PIEZO2: variants seen among roughly 807,000 people sequenced by gnomAD.
PIEZO2 encodes piezo type mechanosensitive ion channel component 2, also known as piezo-type mechanosensitive ion channel component 2.
In PIEZO2, 172 loss-of-function variants were observed where a neutral mutation model predicts 337.3. The observed-to-expected ratio is 0.51, with a 90% confidence interval of 0.45 to 0.58. The LOEUF is 0.58. Ranked by LOEUF, PIEZO2 falls within the 20% of genes least tolerant of loss-of-function variation. The pLI is 0.00. For missense variants in PIEZO2, 3,028 were observed against 3,391.3 expected (o/e 0.89, Z 2.66); for synonymous variants, 1,251 against 1,228.5 (o/e 1.02, Z -0.38).
At chr18:10,674,513 T>G (rs753552680) in intron 54 of PIEZO2, among the ~76,000 whole-genome samples, 2 of 152,252 alleles carry the variant, frequency 1.3e-5, no homozygotes, top group Non-Finnish European at 2.9e-5. Context: ...TCTGTGTGGC[T>G]TTCCAACTCT....
chr18:10,843,975 G>C (rs28634945), intron 7 of PIEZO2, among the ~76,000 whole-genome samples: 335 of 152,324 alleles, frequency 2.2e-3, no homozygotes, highest in African/African-American at 7.8e-3. Flanking sequence ...TGGTAGGAAG[G>C]GAGTCTTCAT....
At position 10,756,880 on chromosome 18, in the gene PIEZO2, G is replaced by A. The variant is rs147073056; in HGVS notation, c.3923+1089C>T. Among the ~76,000 whole-genome samples, 103 of 135,798 alleles carry A rather than the reference G, an allele frequency of 7.6e-4. 1 individual carries two copies. The East Asian group carries it at 0.02, about 26-fold the overall frequency. The allele number at this position is 135,798 out of a possible 152,430, so 89.1% of individuals were successfully genotyped here. A position where few individuals can be genotyped will look rare whatever the true frequency, so the allele number is the denominator to read the frequency against. ...TGAGAATGAGGGATGGAGATGAGGA[G>A]GAAGGATGCAGGATAAAAAGGAGGA... On this transcript the variant is annotated intron_variant, in intron 27 of 55. Coordinates refer to ENST00000674853, the MANE Select transcript of PIEZO2 (RefSeq NM_001378183.1).
At position 10,903,146 on chromosome 18, in the gene PIEZO2, G is replaced by A. The variant is rs545488245; in HGVS notation, c.329+8040C>T. 9.2e-5 allele frequency among the ~76,000 whole-genome samples: 14 copies of A among 152,222 alleles called. No individual in the cohort carries two copies. The highest frequency in any genetic ancestry group is 2.0e-4 in the Admixed American group (3 of 15,282). On this transcript the variant is annotated intron_variant, in intron 4 of 55. Coordinates refer to ENST00000674853, the MANE Select transcript of PIEZO2 (RefSeq NM_001378183.1). The surrounding 1 kb of genome is among the most constrained non-coding windows in gnomAD (Gnocchi z 4.1). ...CAATTATTCACCAAGTTGTAACTTC[G>A]AATTCTACTTACCTAAAATGCGTTT...
intron 7 of PIEZO2, among the ~76,000 whole-genome samples, chr18:10,842,232 A>AC (rs1322454286): frequency 2.0e-5 from 3 of 151,952 alleles, no homozygotes; most frequent in Non-Finnish European, 4.4e-5. Flanking sequence ...GGCATAAAAC[A>AC]CAACTGCTTT....
rs960869179 is a variant in PIEZO2 at position 11,092,505 on chromosome 18, AT to A, written c.65-26284del. Among the ~76,000 whole-genome samples, 1 of 152,248 alleles carries A rather than the reference AT, an allele frequency of 6.6e-6. No individual in the cohort carries two copies. The highest frequency in any genetic ancestry group is 2.4e-5 in the African/African-American group (1 of 41,460). Reference sequence around the variant, plus strand: ...AACGATTTGTATTCCGTGGTTACAGATTTTAGTCTATATTTTCTAGAATTAG... The same window carrying A: ...AACGATTTGTATTCCGTGGTTACAGATTTAGTCTATATTTTCTAGAATTAG... On this transcript the variant is annotated intron_variant, in intron 1 of 55. Coordinates refer to ENST00000674853, the MANE Select transcript of PIEZO2 (RefSeq NM_001378183.1). This position sits in a 1 kb window ranked among gnomAD's most constrained non-coding sequence, Gnocchi z 4.5.
At chr18:10,731,213 A>ATATATATATATATATC (rs2036769111) in intron 36 of PIEZO2, among the ~76,000 whole-genome samples, 194 bp downstream of exon 36, 2 of 127,184 alleles carry the variant, frequency 1.6e-5, no homozygotes, top group African/African-American at 6.0e-5. Context: ...ATATATATAT[A>ATATATATATATATATC]TATATCTCCT....
At chr18:10,898,325 G>C (rs1023116829) in intron 4 of PIEZO2, among the ~76,000 whole-genome samples, 5 of 152,314 alleles carry the variant, frequency 3.3e-5, no homozygotes, top group Admixed American at 1.3e-4. Context: ...GGAGGCTGAG[G>C]GGGGAGAATG....
At chr18:11,090,500 A>G (rs1006972680) in intron 1 of PIEZO2, among the ~76,000 whole-genome samples, 1 of 152,190 alleles carries the variant, frequency 6.6e-6, no homozygotes, top group African/African-American at 2.4e-5. Context: ...TGCTATGGAA[A>G]CCTATTTCCA....
chr18:11,004,259 C>T (rs944646526), intron 2 of PIEZO2, among the ~76,000 whole-genome samples: 5 of 152,150 alleles, frequency 3.3e-5, no homozygotes, highest in African/African-American at 4.8e-5. Context: ...CAGAGAGGAA[C>T]AGAAGAGAGA....
chr18:10,742,460 A>G (rs1351833658), intron 32 of PIEZO2, 34 bp downstream of exon 32: 1 of 1,534,836 alleles, frequency 6.5e-7, no homozygotes, highest in East Asian at 2.4e-5. Flanking sequence ...ATTCAATGTT[A>G]AAACTTGAAT....
chr18:10,789,040 G>T, intron 15 of PIEZO2, 39 bp downstream of exon 15: 1 of 1,509,104 alleles, frequency 6.6e-7, no homozygotes, highest in South Asian at 1.3e-5. Context: ...ATACTCCTGG[G>T]AGAGATGTGA....
At chr18:11,005,001 T>A (rs1366975943) in intron 2 of PIEZO2, among the ~76,000 whole-genome samples, 1 of 152,104 alleles carries the variant, frequency 6.6e-6, no homozygotes, top group Admixed American at 6.5e-5. Context: ...TAAATGCAAA[T>A]CACAATAATG....
In PIEZO2 at chr18:10,773,418, T is replaced by A. The variant is rs765555471; in HGVS notation, c.2779A>T (p.Thr927Ser). The A allele has an allele frequency of 4.1e-5, 63 of 1,537,212 alleles. No homozygotes were observed. The Middle Eastern group carries it at 6.7e-4, about 16-fold the overall frequency. The change falls in exon 20 of 56, where the codon ACA (threonine) becomes TCA (serine). Residue 927 changes from threonine to serine, a missense_variant. Coordinates refer to ENST00000674853, the MANE Select transcript of PIEZO2 (RefSeq NM_001378183.1). This position sits in a 1 kb window ranked among gnomAD's most constrained non-coding sequence, Gnocchi z 5.3. Reference protein sequence around the residue: ...EEEESEEEEETSDLRNKWHLV... With the variant: ...EEEESEEEEESSDLRNKWHLV... ...CTGGTAGTGGGCTGATTACCTGATG[T>A]TTCTTCCTCCTCCTCGGATTCCTCC... is the stretch of plus-strand genomic sequence containing the variant.
intron 49 of PIEZO2, among the ~76,000 whole-genome samples, chr18:10,684,396 G>A (rs1369110370): frequency 1.7e-4 from 26 of 149,210 alleles, no homozygotes; most frequent in African/African-American, 5.9e-4. Context: ...CAATCTCCTG[G>A]CCTCGTGATC....
chr18:10,860,569 C>T (rs2041846552), intron 5 of PIEZO2, among the ~76,000 whole-genome samples: 1 of 152,192 alleles, frequency 6.6e-6, no homozygotes, highest in African/African-American at 2.4e-5. Context: ...GCATCTGTTG[C>T]TTCTTTCCCC....
At chr18:10,685,781 C>A (rs143831489) in intron 49 of PIEZO2, among the ~76,000 whole-genome samples, 3,012 of 152,310 alleles carry the variant, frequency 0.02, 42 homozygotes, top group Non-Finnish European at 0.029. Context: ...GTTTCCCGAG[C>A]CTTCTGGCAG....
chr18:11,038,801 C>T lies in PIEZO2; in HGVS notation c.160+27326G>A, dbSNP rs138787690. Among the ~76,000 whole-genome samples the T allele has an allele frequency of 7.9e-5, 12 of 152,050 alleles. No individual in the cohort carries two copies. Among genetic ancestry groups the T allele is most frequent in the African/African-American group, 2.2e-4 (9 of 41,392 alleles). ...AGCTCTATACAACCTATAGGTATAA[C>T]GGTGAGACACAAATTAGATAACATA... On this transcript the variant is annotated intron_variant, in intron 2 of 55. Transcript: ENST00000674853. This position sits in a 1 kb window ranked among gnomAD's most constrained non-coding sequence, Gnocchi z 4.1.
At chr18:10,916,388 G>T (rs2030965184) in intron 3 of PIEZO2, among the ~76,000 whole-genome samples, 1 of 152,162 alleles carries the variant, frequency 6.6e-6, no homozygotes, top group African/African-American at 2.4e-5. Flanking sequence ...AACCGCGGTA[G>T]GGCTCAGGCA....
Position 10,677,862 on chromosome 18 carries a change from C to T in PIEZO2, c.7966G>A (p.Gly2656Ser). Reference sequence around the variant, plus strand: ...TCTGTTGCTATTTCCGATTTTGCACCCAGACTTAAGTTTCTGTGAAGAAAA... The same window carrying T: ...TCTGTTGCTATTTCCGATTTTGCACTCAGACTTAAGTTTCTGTGAAGAAAA... ...SWSIQRNLSL[G>S]AKSEIATDKL... Residue 2656 changes from glycine to serine, a missense_variant, in exon 53 of 56, where the codon GGT becomes AGT. Gly to Ser is a moderately conservative substitution (Grantham distance 56). Transcript: ENST00000674853. The surrounding 1 kb of genome is among the most constrained non-coding windows in gnomAD (Gnocchi z 4.1). 1.3e-6 allele frequency: 2 copies of T among 1,588,058 alleles called. No homozygotes were observed. Among genetic ancestry groups the T allele is most frequent in the Non-Finnish European group, 1.7e-6 (2 of 1,173,472 alleles).
Sources: allele counts gnomAD v4.1 joint callset (sites outside exome capture counted in the v4.1 genomes callset), GRCh38; gene constraint gnomAD v4.1.1; non-coding constraint Gnocchi (gnomAD v3.1); transcripts MANE v1.5; gene names NCBI Gene and HGNC (gene_info 2026-07-23, HGNC 2026-07-21).